The following SLC27A6 variants were observed in gnomAD, a reference collection of about 807,000 sequenced individuals.
SLC27A6 encodes the protein long-chain fatty acid transport protein 6.
Under a neutral mutation model 63.9 loss-of-function variants are expected in SLC27A6, and 74 were observed. The observed-to-expected ratio is 1.16, with a 90% confidence interval of 0.96 to 1.40. The LOEUF (loss-of-function observed/expected upper bound fraction) is 1.40, where lower values mean the gene tolerates loss of function less well. Among genes scored for constraint, SLC27A6 ranks in the 40% most tolerant of loss-of-function variants. The pLI, the probability that SLC27A6 is intolerant of heterozygous loss-of-function variation, is 0.00. For synonymous variants in SLC27A6, 287 were observed against 260.8 expected (o/e 1.10, Z -0.97); for missense variants, 794 against 732.9 (o/e 1.08, Z -0.96).
intron 1 of SLC27A6, among the ~76,000 whole-genome samples, chr5:128,979,000 G>A (rs1303998317): frequency 1.3e-5 from 2 of 152,064 alleles, no homozygotes; most frequent in Non-Finnish European, 2.9e-5. Flanking sequence ...GCCTAGGTGT[G>A]TAGTGGGCTA....
At chr5:128,990,912 G>A (rs912332990) in intron 4 of SLC27A6, among the ~76,000 whole-genome samples, 3 of 152,336 alleles carry the variant, frequency 2.0e-5, no homozygotes, top group South Asian at 2.1e-4. Context: ...TGGATCTGGA[G>A]GGGTGGAAGT....
chr5:128,966,731 C>A (rs1749919391), intron 1 of SLC27A6, 113 bp downstream of exon 1: 2 of 1,078,120 alleles, frequency 1.9e-6, no homozygotes, highest in Non-Finnish European at 2.4e-6. Flanking sequence ...GTGAAGTGTG[C>A]ATGTTAAGAG....
rs907240036 is a variant in SLC27A6 at position 129,028,302 on chromosome 5, C to T, written c.1455-43C>T. On this transcript the variant is annotated intron_variant, in intron 7 of 9. Coordinates refer to ENST00000262462, the MANE Select transcript of SLC27A6 (RefSeq NM_001017372.3). ...AACTAAAACTGGGTACCTAGTTTTT[C>T]AAATACAGGTGCACTAACTGGAATT... 10 of 1,350,660 alleles carry T rather than the reference C, an allele frequency of 7.4e-6. No individual in the cohort carries two copies. The African/African-American group carries it at 1.0e-4, about 14-fold the overall frequency. 83.7% of individuals were successfully genotyped at this position (1,350,660 alleles called of 1,614,324 possible).
chr5:128,983,485 G>T (rs957926641), intron 1 of SLC27A6, among the ~76,000 whole-genome samples: 4 of 151,956 alleles, frequency 2.6e-5, no homozygotes, highest in South Asian at 2.1e-4. Context: ...AGTAGAGATG[G>T]GGTTTCACCA....
At chr5:128,981,154 T>C (rs906052834) in intron 1 of SLC27A6, among the ~76,000 whole-genome samples, 1 of 152,120 alleles carries the variant, frequency 6.6e-6, no homozygotes, top group Non-Finnish European at 1.5e-5. Context: ...AAATTAAGCC[T>C]ACAATGTAGA....
At chr5:129,000,546 T>A (rs1751299761) in intron 4 of SLC27A6, among the ~76,000 whole-genome samples, 1 of 152,102 alleles carries the variant, frequency 6.6e-6, no homozygotes, top group Admixed American at 6.6e-5. Context: ...GGGGACAAAG[T>A]CCAACAAGGG....
chr5:129,000,040 T>G (rs903948416), intron 4 of SLC27A6, among the ~76,000 whole-genome samples: 1 of 152,188 alleles, frequency 6.6e-6, no homozygotes, highest in Admixed American at 6.5e-5. Context: ...CATTTAGGCC[T>G]GTATATGTTG....
chr5:128,989,475 T>C (rs552764733), intron 3 of SLC27A6, among the ~76,000 whole-genome samples: 10 of 152,352 alleles, frequency 6.6e-5, no homozygotes, highest in African/African-American at 1.9e-4. Context: ...ATTTAGAATA[T>C]GATCAATATC....
At chr5:129,007,454 A>T (rs1306070819) in intron 4 of SLC27A6, among the ~76,000 whole-genome samples, 37 of 147,628 alleles carry the variant, frequency 2.5e-4, no homozygotes, top group African/African-American at 9.2e-4. Flanking sequence ...AAAAAAAAAA[A>T]AAAAAAAAAA....
chr5:128,990,065 C>T (rs1750924395), intron 3 of SLC27A6, among the ~76,000 whole-genome samples: 1 of 152,098 alleles, frequency 6.6e-6, no homozygotes, highest in Non-Finnish European at 1.5e-5. Context: ...TGCTCTAATA[C>T]TTTAACTCTT....
At chr5:129,018,263 C>T (rs982695471) in intron 5 of SLC27A6, among the ~76,000 whole-genome samples, 1 of 152,034 alleles carries the variant, frequency 6.6e-6, no homozygotes, top group Non-Finnish European at 1.5e-5. Context: ...GTGAAATTTT[C>T]TGTATAATAA....
intron 9 of SLC27A6, 64 bp downstream of exon 9, chr5:129,029,771 C>A (rs1276315165): frequency 4.3e-6 from 6 of 1,387,386 alleles, no homozygotes; most frequent in Admixed American, 2.1e-5. Flanking sequence ...AGTTTAATTG[C>A]AAAATAATAT....
At chr5:129,032,206 A>C (rs1165439834) in intron 9 of SLC27A6, among the ~76,000 whole-genome samples, 1 of 152,154 alleles carries the variant, frequency 6.6e-6, no homozygotes, top group Non-Finnish European at 1.5e-5. Flanking sequence ...TCACTAGTTA[A>C]GGAAAAACAG....
intron 6 of SLC27A6, among the ~76,000 whole-genome samples, chr5:129,025,200 T>G (rs907306383): frequency 6.6e-6 from 1 of 152,186 alleles, no homozygotes; most frequent in Non-Finnish European, 1.5e-5. Flanking sequence ...ATTTTTTCCA[T>G]TAAGGCATTG....
intron 6 of SLC27A6, among the ~76,000 whole-genome samples, chr5:129,025,688 G>A (rs892528299): frequency 6.6e-6 from 1 of 152,042 alleles, no homozygotes; most frequent in Admixed American, 6.6e-5. Context: ...ATGATATGAT[G>A]GTGTTGGTGA....
chr5:129,012,802 A>T (rs1416494298), intron 4 of SLC27A6, among the ~76,000 whole-genome samples: 2 of 151,986 alleles, frequency 1.3e-5, no homozygotes, highest in Non-Finnish European at 2.9e-5. Context: ...TTTTCCATCC[A>T]ACTACTTTCA....
At chr5:129,010,221 T>C (rs1751684741) in intron 4 of SLC27A6, among the ~76,000 whole-genome samples, 1 of 152,302 alleles carries the variant, frequency 6.6e-6, no homozygotes, top group South Asian at 2.1e-4. Flanking sequence ...GTCAATGAGA[T>C]TCATCTTTGT....
chr5:129,011,023 T>A (rs1208688553), intron 4 of SLC27A6, among the ~76,000 whole-genome samples: 4 of 152,206 alleles, frequency 2.6e-5, no homozygotes. Flanking sequence ...TATGTTACTA[T>A]AACACAACAT....
intron 1 of SLC27A6, among the ~76,000 whole-genome samples, chr5:128,968,127 C>T (rs866343423): frequency 6.6e-6 from 1 of 152,088 alleles, no homozygotes; most frequent in East Asian, 1.9e-4. Context: ...TTCCATGGTG[C>T]ATATGTGCCT....
Sources: allele counts gnomAD v4.1 joint callset (sites outside exome capture counted in the v4.1 genomes callset), GRCh38; gene constraint gnomAD v4.1.1; transcripts MANE v1.5; gene names NCBI Gene and HGNC (gene_info 2026-07-23, HGNC 2026-07-21).